NRG3: variants seen among roughly 807,000 people sequenced by gnomAD.
NRG3 encodes the protein neuregulin 3.
A neutral mutation model predicts 66.9 loss-of-function variants in NRG3; 31 were observed. The observed-to-expected ratio is 0.46, with a 90% CI of 0.35 to 0.63. The LOEUF is 0.63. Among genes scored for constraint, NRG3 ranks in the 20% least tolerant of loss-of-function variants. NRG3 has a pLI of 0.00. For synonymous variants in NRG3, 393 were observed against 359.4 expected, an observed-to-expected ratio of 1.09 and a Z score of -1.06; for missense variants, 910 against 878.9, an observed-to-expected ratio of 1.04 and a Z score of -0.45.
intron 2 of NRG3, among the ~76,000 whole-genome samples, chr10:82,378,539 CCTCTCTTCTCTTCTA>C (rs2085408118): frequency 6.6e-6 from 1 of 151,804 alleles, no homozygotes; most frequent in African/African-American, 2.4e-5. Context: ...TTCCTCCCTC[CCTCTCTTCTCTTCTA>C]CTCTCTTCTC....
In NRG3 at chr10:82,669,838, G is replaced by C. The variant is rs534992779; in HGVS notation, c.954-68739G>C. Among the ~76,000 whole-genome samples the C allele has an allele frequency of 1.0e-3, 159 of 151,876 alleles. 1 individual carries two copies. The highest frequency in any genetic ancestry group is 1.8e-3 in the Non-Finnish European group (121 of 67,958). On this transcript the variant is annotated intron_variant, in intron 2 of 8. Coordinates refer to ENST00000372141, the MANE Select transcript of NRG3 (RefSeq NM_001010848.4). Reference sequence around the variant, plus strand: ...AGCTGCTCAGGAGGCTGAGGCAGGAGAATGGCGTGAACCCGGGAGGCGGAG... The same window carrying C: ...AGCTGCTCAGGAGGCTGAGGCAGGACAATGGCGTGAACCCGGGAGGCGGAG...
chr10:82,641,943 T>C (rs1183836807), intron 2 of NRG3, among the ~76,000 whole-genome samples: 1 of 152,184 alleles, frequency 6.6e-6, no homozygotes, highest in African/African-American at 2.4e-5. Context: ...TCCAAATTAA[T>C]GTACACTAAG....
chr10:81,973,697 T>A (rs2060013265), intron 1 of NRG3, among the ~76,000 whole-genome samples: 1 of 152,200 alleles, frequency 6.6e-6, no homozygotes, highest in East Asian at 1.9e-4. Context: ...TGTTACTGCA[T>A]ATATGTCTTC....
chr10:82,870,148 G>A (rs370602838), intron 4 of NRG3, among the ~76,000 whole-genome samples: 12 of 151,390 alleles, frequency 7.9e-5, no homozygotes, highest in Non-Finnish European at 1.3e-4. Context: ...GATTACAGGC[G>A]TGAGCCACCA....
At chr10:81,900,488 A>G (rs150014448) in intron 1 of NRG3, among the ~76,000 whole-genome samples, 90 of 152,364 alleles carry the variant, frequency 5.9e-4, no homozygotes, top group African/African-American at 2.0e-3. Context: ...AGAACTCCAT[A>G]TCCAGTGTCA....
At chr10:82,414,367 A>G (rs1468129357) in intron 2 of NRG3, among the ~76,000 whole-genome samples, 6 of 152,150 alleles carry the variant, frequency 3.9e-5, no homozygotes, top group African/African-American at 7.2e-5. Context: ...ACTGTCTTAT[A>G]TGGGCATGGT....
chr10:82,501,032 A>G (rs1844130703), intron 2 of NRG3, among the ~76,000 whole-genome samples: 1 of 152,118 alleles, frequency 6.6e-6, no homozygotes, highest in African/African-American at 2.4e-5. Flanking sequence ...AAAATTAATA[A>G]ATTTAATTTG....
At chr10:82,159,701 C>T (rs1193880280) in intron 1 of NRG3, among the ~76,000 whole-genome samples, 4 of 151,860 alleles carry the variant, frequency 2.6e-5, no homozygotes, top group African/African-American at 7.2e-5. Context: ...ATCCCTGGAA[C>T]ATAGTAGGTG....
intron 1 of NRG3, among the ~76,000 whole-genome samples, chr10:82,324,226 T>A (rs1399416333): frequency 6.6e-6 from 1 of 152,190 alleles, no homozygotes; most frequent in Non-Finnish European, 1.5e-5. Flanking sequence ...TTCCATATAA[T>A]TTCTTATTTT....
intron 2 of NRG3, among the ~76,000 whole-genome samples, chr10:82,679,873 G>C (rs1284281115): frequency 2.6e-5 from 4 of 151,732 alleles, no homozygotes; most frequent in Non-Finnish European, 4.4e-5. Flanking sequence ...AAAAAAAAAA[G>C]AAAAAAGTCT....
At chr10:82,043,301 C>T (rs1243213717) in intron 1 of NRG3, among the ~76,000 whole-genome samples, 1 of 152,030 alleles carries the variant, frequency 6.6e-6, no homozygotes, top group Non-Finnish European at 1.5e-5. Context: ...TTATGAACTA[C>T]TACATTTCTC....
intron 3 of NRG3, among the ~76,000 whole-genome samples, chr10:82,782,060 A>G (rs1281065152): frequency 1.3e-5 from 2 of 152,146 alleles, no homozygotes; most frequent in Non-Finnish European, 2.9e-5. Context: ...CTTGAAGACT[A>G]TGGTCATGCT....
At chr10:82,791,666 TA>T (rs2060593759) in intron 3 of NRG3, among the ~76,000 whole-genome samples, 1 of 152,164 alleles carries the variant, frequency 6.6e-6, no homozygotes, top group Non-Finnish European at 1.5e-5. Flanking sequence ...TGGGAATATG[TA>T]GAGATTTTCA....
chr10:82,634,048 C>T (rs1205728191), intron 2 of NRG3, among the ~76,000 whole-genome samples: 3 of 152,104 alleles, frequency 2.0e-5, no homozygotes, highest in African/African-American at 7.2e-5. Context: ...GATTATGGTT[C>T]ATAAAGGACA....
At chr10:82,927,887 T>C (rs147363250) in intron 4 of NRG3, among the ~76,000 whole-genome samples, 2,609 of 152,258 alleles carry the variant, frequency 0.017, 68 homozygotes, top group African/African-American at 0.06. Context: ...TCAAATGGTA[T>C]TTCTGTTTCT....
chr10:82,162,551 A>C (rs1006386630), intron 1 of NRG3, among the ~76,000 whole-genome samples: 2 of 152,130 alleles, frequency 1.3e-5, no homozygotes, highest in African/African-American at 4.8e-5. Flanking sequence ...AAATCTTTCT[A>C]AAGACAAGGG....
At chr10:82,714,375 G>A (rs1381319710) in intron 2 of NRG3, among the ~76,000 whole-genome samples, 1 of 152,156 alleles carries the variant, frequency 6.6e-6, no homozygotes, top group Non-Finnish European at 1.5e-5. Context: ...CCTGCTGTGA[G>A]CAGCTGCAGA....
intron 1 of NRG3, among the ~76,000 whole-genome samples, chr10:81,886,400 T>C (rs947278950): frequency 6.6e-6 from 1 of 152,154 alleles, no homozygotes; most frequent in African/African-American, 2.4e-5. Flanking sequence ...CGAAGTTCAT[T>C]ACATTGGATA....
intron 2 of NRG3, among the ~76,000 whole-genome samples, chr10:82,373,339 C>A (rs1195999999): frequency 6.6e-6 from 1 of 152,200 alleles, no homozygotes; most frequent in Non-Finnish European, 1.5e-5. Context: ...CAGCTGTAGA[C>A]CATTAAACAA....
Sources: gnomAD v4.1 joint callset for allele counts (sites outside exome capture counted in the v4.1 genomes callset) on GRCh38, gnomAD v4.1.1 for gene constraint, MANE v1.5 for transcripts, NCBI Gene and HGNC (gene_info 2026-07-23, HGNC 2026-07-21) for gene names.